Variants in TBX15 observed in about 807,000 individuals in gnomAD.
TBX15 encodes T-box transcription factor TBX15.
TBX15 carries 18 observed loss-of-function variants against 53.9 expected under a neutral mutation model. That is an observed-to-expected ratio of 0.33 (90% CI 0.23 to 0.49). The LOEUF (loss-of-function observed/expected upper bound fraction) is 0.49. Ranked by LOEUF, TBX15 falls within the 20% of genes least tolerant of loss-of-function variation. TBX15 has a pLI of 0.98. For synonymous variants in TBX15, 295 were observed against 278.0 expected, an observed-to-expected ratio of 1.06 and a Z score of -0.61; for missense variants, 692 against 749.5, an observed-to-expected ratio of 0.92 and a Z score of 0.90.
chr1:118,885,519 G>GA lies in TBX15; in HGVS notation c.1025-4dup, dbSNP rs1653909741. ...TGGGGAAGTGCCTGTGCTGCCTCCT[G>GA]AAAAATAAAACGTGAATACTATTGA... is the stretch of plus-strand genomic sequence containing the variant. On this transcript the variant is annotated splice_region_variant and splice_polypyrimidine_tract_variant and intron_variant, in intron 7 of 7. Transcript: ENST00000369429. 1.3e-6 allele frequency: 2 copies of GA among 1,574,990 alleles called. No homozygotes were observed. Among genetic ancestry groups the GA allele is most frequent in the East Asian group, 4.7e-5 (2 of 42,890 alleles).
intron 1 of TBX15, among the ~76,000 whole-genome samples, chr1:118,951,465 A>G (rs958180045): frequency 2.6e-5 from 4 of 152,208 alleles, no homozygotes; most frequent in African/African-American, 4.8e-5. Flanking sequence ...AATAATAGTC[A>G]TTGGCTCTGA....
intron 1 of TBX15, among the ~76,000 whole-genome samples, chr1:118,971,253 T>C (rs1657227926): frequency 2.0e-5 from 3 of 152,238 alleles, no homozygotes; most frequent in Non-Finnish European, 4.4e-5. Context: ...CCTTTCTTTC[T>C]TTCTTCTCTA....
intron 1 of TBX15, among the ~76,000 whole-genome samples, chr1:118,978,106 C>T (rs1376999783): frequency 6.6e-6 from 1 of 152,180 alleles, no homozygotes; most frequent in Non-Finnish European, 1.5e-5. Context: ...ACAGCGTTCA[C>T]GCAAGCAACA....
chr1:118,987,592 C>G lies in TBX15; in HGVS notation c.204G>C (p.Pro68=), dbSNP rs1393633662. The change falls in exon 1 of 8, where the codon CCG becomes CCC. Residue 68 remains proline (P), a splice_region_variant and synonymous_variant. Transcript: ENST00000369429. ...CGCGGTCGGCTGCGACGCACTCACCCGGGTGAGGCTCCAGGCCGTGTGCCG... is the reference window on the plus strand; with the variant it reads ...CGCGGTCGGCTGCGACGCACTCACCGGGGTGAGGCTCCAGGCCGTGTGCCG... ...DAAAHGLEPH[P]DSEQSTGSDS... The G allele has an allele frequency of 1.3e-6, 2 of 1,546,108 alleles. No individual in the cohort carries two copies. Among genetic ancestry groups the G allele is most frequent in the East Asian group, 2.4e-5 (1 of 40,888 alleles).
chr1:118,986,326 G>C (rs753268673), intron 1 of TBX15, among the ~76,000 whole-genome samples: 1 of 152,188 alleles, frequency 6.6e-6, no homozygotes, highest in Non-Finnish European at 1.5e-5. Flanking sequence ...AGGCTTGGAC[G>C]GTCGAAATAA....
Position 118,883,321 on chromosome 1 carries a change from C to T in TBX15, c.*1411G>A, listed in dbSNP as rs1358912035. ...ACCATTTAAAAATTTTAGCTTGCAC[C>T]AAGCTTCACTTGCTTTCTTACCATT... is the stretch of plus-strand genomic sequence containing the variant. On this transcript the variant is annotated 3_prime_UTR_variant, in exon 8 of 8. Transcript: ENST00000369429. 6.6e-6 allele frequency: 1 copy of T among 152,444 alleles called. No homozygotes were observed. Among genetic ancestry groups the T allele is most frequent in the African/African-American group, 2.4e-5 (1 of 41,394 alleles). 9.4% of individuals were successfully genotyped at this position (152,444 alleles called of 1,614,324 possible).
chr1:118,970,261 T>C (rs1198491416), intron 1 of TBX15, among the ~76,000 whole-genome samples: 2 of 152,210 alleles, frequency 1.3e-5, no homozygotes, highest in African/African-American at 4.8e-5. Flanking sequence ...TTGTGTAAGT[T>C]TGGCCCTCCA....
intron 5 of TBX15, among the ~76,000 whole-genome samples, chr1:118,922,378 C>T (rs1453576593): frequency 6.6e-6 from 1 of 152,110 alleles, no homozygotes; most frequent in Non-Finnish European, 1.5e-5. Context: ...GCTTCTATGC[C>T]CCGCTTTTCA....
intron 4 of TBX15, 112 bp from the exon 5 acceptor site, chr1:118,923,715 G>A (rs1655502900): frequency 7.8e-7 from 1 of 1,284,028 alleles, no homozygotes; most frequent in Non-Finnish European, 1.1e-6. Flanking sequence ...ACAGATTGGA[G>A]GTGAGATGTA....
Position 118,987,857 on chromosome 1 carries a change from CA to C in TBX15, c.-63del. On this transcript the variant is annotated 5_prime_UTR_variant, in exon 1 of 8. Transcript: ENST00000369429. ...CTACCGAGGGAGCAGCCGGCGCCCT[CA>C]AGCTCTGAGCGCCCACCGGGCCCGG... is the stretch of plus-strand genomic sequence containing the variant. The C allele has an allele frequency of 3.3e-6, 5 of 1,536,414 alleles. No homozygotes were observed. The East Asian group carries it at 7.4e-5, about 23-fold the overall frequency.
intron 5 of TBX15, among the ~76,000 whole-genome samples, chr1:118,921,262 T>A (rs1169925496): frequency 6.6e-6 from 1 of 152,166 alleles, no homozygotes; most frequent in East Asian, 1.9e-4. Flanking sequence ...AATATTTTAT[T>A]TACAAAACAC....
chr1:118,979,748 C>T (rs768646363), intron 1 of TBX15, among the ~76,000 whole-genome samples: 9 of 152,238 alleles, frequency 5.9e-5, no homozygotes, highest in Non-Finnish European at 1.3e-4. Context: ...GAACAGCCGC[C>T]ATCCCTCAGG....
intron 2 of TBX15, among the ~76,000 whole-genome samples, chr1:118,929,815 T>C (rs970433762): frequency 1.3e-5 from 2 of 151,018 alleles, no homozygotes; most frequent in African/African-American, 4.9e-5. Context: ...CCAAGAGTAA[T>C]AAAGTAAAAA....
chr1:118,957,304 C>T (rs938379855), intron 1 of TBX15, among the ~76,000 whole-genome samples: 1 of 152,112 alleles, frequency 6.6e-6, no homozygotes, highest in African/African-American at 2.4e-5. Flanking sequence ...GCCCCTTTGA[C>T]TTAGAGTAAT....
intron 1 of TBX15, among the ~76,000 whole-genome samples, chr1:118,971,146 T>G (rs1657224730): frequency 1.3e-5 from 2 of 152,200 alleles, no homozygotes; most frequent in African/African-American, 2.4e-5. Context: ...TCCCACAATC[T>G]AATTATGCTT....
intron 2 of TBX15, among the ~76,000 whole-genome samples, chr1:118,927,558 C>T (rs1015806722): frequency 2.6e-5 from 4 of 152,144 alleles, no homozygotes; most frequent in African/African-American, 4.8e-5. Context: ...AGGCTGTCAA[C>T]GTGTGTGTCA....
At chr1:118,984,674 A>G (rs553043894) in intron 1 of TBX15, among the ~76,000 whole-genome samples, 10 of 152,178 alleles carry the variant, frequency 6.6e-5, no homozygotes, top group Non-Finnish European at 1.5e-4. Flanking sequence ...TCTCCAAAAG[A>G]CTGAGAGTGC....
chr1:118,927,600 A>G (rs1473809722), intron 2 of TBX15, among the ~76,000 whole-genome samples: 1 of 152,212 alleles, frequency 6.6e-6, no homozygotes, highest in Admixed American at 6.5e-5. Context: ...GGAAGCAAAT[A>G]CCAAATGAAT....
intron 1 of TBX15, among the ~76,000 whole-genome samples, chr1:118,965,463 C>T (rs944423350): frequency 2.0e-5 from 3 of 152,142 alleles, no homozygotes; most frequent in African/African-American, 7.2e-5. Context: ...GGAAAATGGG[C>T]TGTCATACAC....
Sources: gnomAD v4.1 joint callset for allele counts (sites outside exome capture counted in the v4.1 genomes callset) on GRCh38, gnomAD v4.1.1 for gene constraint, MANE v1.5 for transcripts, NCBI Gene and HGNC (gene_info 2026-07-23, HGNC 2026-07-21) for gene names.